The following SCYL3 variants were observed in gnomAD, a reference collection of about 807,000 sequenced individuals.
SCYL3 encodes the protein SCY1 like pseudokinase 3.
In SCYL3, 35 loss-of-function variants were observed where a neutral mutation model predicts 73.8. That is an observed-to-expected ratio of 0.47 (90% CI 0.36 to 0.63). The LOEUF (loss-of-function observed/expected upper bound fraction) is 0.63. Among genes scored for constraint, SCYL3 ranks in the 20% least tolerant of loss-of-function variants. The pLI is 0.00. For missense variants in SCYL3, 712 were observed against 798.9 expected, an observed-to-expected ratio of 0.89 and a Z score of 1.31; for synonymous variants, 277 against 295.2, an observed-to-expected ratio of 0.94 and a Z score of 0.63.
chr1:169,883,123 C>T (rs1661416706), intron 2 of SCYL3, among the ~76,000 whole-genome samples: 1 of 152,022 alleles, frequency 6.6e-6, no homozygotes, highest in Admixed American at 6.6e-5. Context: ...AAGGAAGAAA[C>T]TCCGAACATG....
chr1:169,866,304 T>C (rs530503646), intron 8 of SCYL3, among the ~76,000 whole-genome samples: 80 of 152,356 alleles, frequency 5.3e-4, no homozygotes, highest in Non-Finnish European at 5.7e-4. Context: ...TGGACTACCA[T>C]AGTCACTAAC....
chr1:169,876,958 TAAAAAAAAAAAAA>T lies in SCYL3; in HGVS notation c.352-880_352-868del, dbSNP rs61051062. ...CGACAGAGTGAGACCTTGTCTCAAATAAAAAAAAAAAAAAAAAAAAAAAAAAAAAAGAAATATC... is the reference window on the plus strand; with the variant it reads ...CGACAGAGTGAGACCTTGTCTCAAATAAAAAAAAAAAAAAAAAGAAATATC... On this transcript the variant is annotated intron_variant, in intron 3 of 12. Transcript: ENST00000367771. 3.1e-4 allele frequency among the ~76,000 whole-genome samples: 24 copies of T among 76,424 alleles called. No homozygotes were observed. In the East Asian group the frequency reaches 6.3e-3, roughly 20 times the overall value. 50.1% of individuals were successfully genotyped at this position (76,424 alleles called of 152,430 possible). A position where few individuals can be genotyped will look rare whatever the true frequency, so the allele number is the denominator to read the frequency against.
In SCYL3 at chr1:169,850,883, A is replaced by G. The variant is rs1324391831; in HGVS notation, c.*2830T>C. On this transcript the variant is annotated 3_prime_UTR_variant, in exon 13 of 13. Transcript: ENST00000367771. ...AGTGAGATGACTAATGAGGATCCCT[A>G]AGCTATTAATAATCATAATTAAATA... The G allele has an allele frequency of 2.0e-5, 3 of 151,528 alleles. No homozygotes were observed. Among genetic ancestry groups the G allele is most frequent in the Non-Finnish European group, 4.4e-5 (3 of 68,058 alleles). 9.4% of individuals were successfully genotyped at this position (151,528 alleles called of 1,614,324 possible). A position where few individuals can be genotyped will look rare whatever the true frequency, so the allele number is the denominator to read the frequency against.
chr1:169,855,580 A>T (rs956109335), intron 11 of SCYL3, among the ~76,000 whole-genome samples: 1 of 152,240 alleles, frequency 6.6e-6, no homozygotes, highest in African/African-American at 2.4e-5. Context: ...ATCAGTGCAA[A>T]AAAGAATTCA....
rs928880682 is a variant in SCYL3 at position 169,888,929 on chromosome 1, C to T, written c.-50-39G>A. On this transcript the variant is annotated intron_variant, in intron 1 of 12. Transcript: ENST00000367771. ...GAAAACAATTTCAAACATTAAATCCCTATCTGCAACATCAACAAGAGATAT... is the reference window on the plus strand; with the variant it reads ...GAAAACAATTTCAAACATTAAATCCTTATCTGCAACATCAACAAGAGATAT... The T allele has an allele frequency of 1.4e-5, 17 of 1,172,506 alleles. No homozygotes were observed. The African/African-American group carries it at 2.2e-4, about 15-fold the overall frequency. The allele number at this position is 1,172,506 out of a possible 1,614,324, so 72.6% of individuals were successfully genotyped here.
Position 169,851,534 on chromosome 1 carries a change from G to C in SCYL3, c.*2179C>G. The C allele has an allele frequency of 2.6e-6, 1 of 380,090 alleles. No homozygotes were observed. Among genetic ancestry groups the C allele is most frequent in the Non-Finnish European group, 4.8e-6 (1 of 209,782 alleles). 23.5% of individuals were successfully genotyped at this position (380,090 alleles called of 1,614,324 possible). On this transcript the variant is annotated 3_prime_UTR_variant, in exon 13 of 13. Coordinates refer to ENST00000367771, the MANE Select transcript of SCYL3 (RefSeq NM_020423.7). ...CATCTAAGCTGGATTTTAAGTACAT[G>C]TGTATACACTGCTGTTGCCAGTTTC...
intron 2 of SCYL3, among the ~76,000 whole-genome samples, chr1:169,886,409 C>G (rs899568837): frequency 6.6e-6 from 1 of 152,140 alleles, no homozygotes; most frequent in Admixed American, 6.5e-5. Context: ...CTTGTTATGC[C>G]CACACAATGT....
At chr1:169,878,583 C>T in intron 3 of SCYL3, 51 bp downstream of exon 3, 1 of 1,415,926 alleles carries the variant, frequency 7.1e-7, no homozygotes, top group Non-Finnish European at 9.7e-7. Context: ...CATCACCCTC[C>T]CACCCCCATC....
intron 2 of SCYL3, among the ~76,000 whole-genome samples, chr1:169,887,973 G>A (rs1384441171): frequency 6.6e-6 from 1 of 152,154 alleles, no homozygotes; most frequent in African/African-American, 2.4e-5. Context: ...AGTTCAACTT[G>A]AAAATAGCAT....
At chr1:169,878,349 T>C (rs894821327) in intron 3 of SCYL3, among the ~76,000 whole-genome samples, 3 of 152,356 alleles carry the variant, frequency 2.0e-5, no homozygotes, top group African/African-American at 7.2e-5. Context: ...TAGCTATGTT[T>C]AGGCAAAGAA....
chr1:169,863,434 C>G (rs1659809666), intron 9 of SCYL3, among the ~76,000 whole-genome samples: 1 of 152,066 alleles, frequency 6.6e-6, no homozygotes, highest in African/African-American at 2.4e-5. Flanking sequence ...TTGTGACATA[C>G]TGATATTGTT....
At position 169,888,849 on chromosome 1, in the gene SCYL3, C is replaced by G; in HGVS notation, c.-9G>C. On this transcript the variant is annotated 5_prime_UTR_variant, in exon 2 of 13. Transcript: ENST00000367771. ...CTGTTCTCTGATCCCATCCCTTATG[C>G]AGTGAGGCAGTACTGCCACTCTTCC... 1 of 1,591,536 alleles carries G rather than the reference C, an allele frequency of 6.3e-7. No homozygotes were observed. Among genetic ancestry groups the G allele is most frequent in the Non-Finnish European group, 8.6e-7 (1 of 1,168,288 alleles).
intron 3 of SCYL3, among the ~76,000 whole-genome samples, chr1:169,876,315 A>G (rs1660801237): frequency 6.6e-6 from 1 of 152,216 alleles, no homozygotes; most frequent in Non-Finnish European, 1.5e-5. Context: ...GAAAAATGGA[A>G]TGGAAGGGCT....
intron 11 of SCYL3, among the ~76,000 whole-genome samples, chr1:169,856,497 C>A (rs1659173238): frequency 6.6e-6 from 1 of 152,138 alleles, no homozygotes; most frequent in African/African-American, 2.4e-5. Context: ...ATTGGTCAAT[C>A]AATTTTTGGC....
At chr1:169,868,796 T>C in intron 7 of SCYL3, 132 bp downstream of exon 7, 1 of 583,970 alleles carries the variant, frequency 1.7e-6, no homozygotes, top group Non-Finnish European at 3.1e-6. Flanking sequence ...TGATTCAATC[T>C]CTCCTAATAA....
chr1:169,855,042 A>AAGTGTAGT (rs1430205922), intron 11 of SCYL3, 78 bp from the exon 12 acceptor site: 6 of 1,050,110 alleles, frequency 5.7e-6, no homozygotes, highest in Non-Finnish European at 8.2e-6. Context: ...AGCATTAAGG[A>AAGTGTAGT]AGTGTAGTAG....
intron 2 of SCYL3, among the ~76,000 whole-genome samples, chr1:169,881,030 G>C (rs116311269): frequency 1.3e-5 from 2 of 152,250 alleles, no homozygotes; most frequent in Non-Finnish European, 2.9e-5. Flanking sequence ...CCCAAGTGTC[G>C]GGATTACAGG....
intron 2 of SCYL3, among the ~76,000 whole-genome samples, chr1:169,886,372 T>C (rs1661690054): frequency 6.6e-6 from 1 of 152,182 alleles, no homozygotes; most frequent in African/African-American, 2.4e-5. Flanking sequence ...CAAGCTCTTT[T>C]GGGCATAGCC....
At chr1:169,887,680 CA>C (rs2102214233) in intron 2 of SCYL3, among the ~76,000 whole-genome samples, 1 of 152,166 alleles carries the variant, frequency 6.6e-6, no homozygotes, top group South Asian at 2.1e-4. Context: ...AGAAAACAGC[CA>C]GCTATATACT....
Sources: allele counts gnomAD v4.1 joint callset (sites outside exome capture counted in the v4.1 genomes callset), GRCh38; gene constraint gnomAD v4.1.1; transcripts MANE v1.5; gene names NCBI Gene and HGNC (gene_info 2026-07-23, HGNC 2026-07-21).